Variants in BEND2 observed in about 807,000 individuals in gnomAD.
The protein encoded by BEND2 is BEN domain-containing protein 2.
In BEND2, 19 loss-of-function variants were observed where a neutral mutation model predicts 43.8. That is an observed-to-expected ratio of 0.43 (90% CI 0.30 to 0.64). The LOEUF (loss-of-function observed/expected upper bound fraction) is 0.64, where lower values mean the gene tolerates loss of function less well. Ranked by LOEUF, BEND2 falls within the 30% of genes least tolerant of loss-of-function variation. BEND2 has a pLI of 0.11. For synonymous variants in BEND2, 226 were observed against 210.1 expected, an observed-to-expected ratio of 1.08 and a Z score of -0.66; for missense variants, 544 against 574.0, an observed-to-expected ratio of 0.95 and a Z score of 0.53.
chrX:18,208,343 C>T (rs1167227331), intron 4 of BEND2, among the ~76,000 whole-genome samples: 1 of 109,724 alleles, frequency 9.1e-6, no homozygotes, highest in Admixed American at 9.8e-5. Context: ...AAAAATTAGC[C>T]GGGCGTGGTG....
At chrX:18,169,324 GTTAA>G (rs750763324) in intron 13 of BEND2, among the ~76,000 whole-genome samples, 154 of 111,054 alleles carry the variant, frequency 1.4e-3, no homozygotes, top group Non-Finnish European at 2.3e-3. Context: ...GAGTTGGAGT[GTTAA>G]TTATATCAGT....
intron 4 of BEND2, among the ~76,000 whole-genome samples, chrX:18,205,354 A>G (rs112167983): frequency 0.022 from 2,405 of 109,291 alleles, 75 homozygotes; most frequent in African/African-American, 0.075. Context: ...ACTTGAGCTC[A>G]GAAGTTCGAG....
chrX:18,170,911 C>T, intron 13 of BEND2, 90 bp downstream of exon 13: 1 of 1,191,419 alleles, frequency 8.4e-7, no homozygotes, highest in East Asian at 3.0e-5. Context: ...CTCCCCAGAA[C>T]AAACACAACC....
At chrX:18,189,265 T>C (rs1257739084) in intron 8 of BEND2, among the ~76,000 whole-genome samples, 1 of 110,015 alleles carries the variant, frequency 9.1e-6, no homozygotes, top group Non-Finnish European at 1.9e-5. Context: ...CCTAGTACTT[T>C]GGGAGGCCAA....
At chrX:18,203,308 T>A (rs967046701) in intron 5 of BEND2, among the ~76,000 whole-genome samples, 193 bp downstream of exon 5, 1 of 111,867 alleles carries the variant, frequency 8.9e-6, no homozygotes, top group Non-Finnish European at 1.9e-5. Flanking sequence ...TACAGTCTTA[T>A]GAGATGTTAC....
At chrX:18,184,559 T>A (rs1323875509) in intron 8 of BEND2, among the ~76,000 whole-genome samples, 2 of 111,835 alleles carry the variant, frequency 1.8e-5, no homozygotes, top group Non-Finnish European at 3.8e-5. Flanking sequence ...AGGCGGCACC[T>A]CTACAAGTCT....
At chrX:18,214,928 T>G (rs1249394052) in intron 2 of BEND2, among the ~76,000 whole-genome samples, 1 of 110,271 alleles carries the variant, frequency 9.1e-6, no homozygotes, top group African/African-American at 3.3e-5. Context: ...GCAATAAATA[T>G]TGTAACCTTT....
intron 8 of BEND2, among the ~76,000 whole-genome samples, chrX:18,190,762 T>TCACA (rs1423975661): frequency 3.5e-4 from 31 of 87,689 alleles, no homozygotes; most frequent in Admixed American, 1.2e-3. Context: ...TCTCTCTCTC[T>TCACA]CTCTCACACA....
At chrX:18,173,948 T>C in intron 12 of BEND2, 82 bp downstream of exon 12, 1 of 834,571 alleles carries the variant, frequency 1.2e-6, no homozygotes, top group Non-Finnish European at 1.7e-6. Flanking sequence ...AATAGTACAA[T>C]GAACCCCATA....
chrX:18,205,791 A>G (rs972412318), intron 4 of BEND2, among the ~76,000 whole-genome samples: 1 of 110,155 alleles, frequency 9.1e-6, no homozygotes, highest in Non-Finnish European at 1.9e-5. Context: ...AGAAATGCCA[A>G]ATTTCAGGCC....
rs780283327 is a variant in BEND2 at position 18,183,736 on chromosome X, T to C, written c.1289-3086A>G. Among the ~76,000 whole-genome samples, 4 of 111,920 alleles carry C rather than the reference T, an allele frequency of 3.6e-5. No homozygotes were observed. The South Asian group carries it at 1.5e-3, about 42-fold the overall frequency. On this transcript the variant is annotated intron_variant, in intron 8 of 13. Transcript: ENST00000380033. ...GCAGTGGTGGCCTGGAGGTACCCATTGTGGGCCTGCGGCAGTGGTGGCCAC... is the reference window on the plus strand; with the variant it reads ...GCAGTGGTGGCCTGGAGGTACCCATCGTGGGCCTGCGGCAGTGGTGGCCAC...
intron 11 of BEND2, 107 bp downstream of exon 11, chrX:18,175,864 AT>A: frequency 2.6e-6 from 2 of 756,819 alleles, no homozygotes; most frequent in South Asian, 1.2e-4. Flanking sequence ...GTTAATGAGA[AT>A]TTTAGCACAT....
intron 12 of BEND2, among the ~76,000 whole-genome samples, chrX:18,172,406 T>G (rs1327470060): frequency 9.0e-6 from 1 of 111,567 alleles, no homozygotes; most frequent in Non-Finnish European, 1.9e-5. Context: ...AAAATCTATC[T>G]GAATGGGCTG....
chrX:18,200,320 T>G (rs775333106), intron 6 of BEND2, among the ~76,000 whole-genome samples: 1 of 110,176 alleles, frequency 9.1e-6, no homozygotes, highest in Admixed American at 9.7e-5. Context: ...CTGGCCAACA[T>G]GGTGAAACCC....
chrX:18,174,872 G>A (rs562673412), intron 11 of BEND2, among the ~76,000 whole-genome samples: 2 of 110,560 alleles, frequency 1.8e-5, no homozygotes, highest in South Asian at 7.8e-4. Context: ...TGGGGACGGG[G>A]GTTGGGGAGG....
At position 18,191,007 on chromosome X, in the gene BEND2, C is replaced by T. The variant is rs771875015; in HGVS notation, c.1282G>A (p.Asp428Asn). The T allele has an allele frequency of 5.0e-6, 6 of 1,205,195 alleles. No homozygotes were observed. In the Admixed American group the frequency reaches 8.8e-5, roughly 18 times the overall value. ...TATATCATTTCAAACTCACCAAAAT[C>T]GGGAGTGAGGCAGGCAGATGCTGAA... is the stretch of plus-strand genomic sequence containing the variant. ...DASASACLTP[D>N]FALLPLNILV... The change falls in exon 8 of 14, where the codon GAT becomes AAT. Residue 428 changes from aspartate (D) to asparagine (N), a missense_variant. By Grantham distance (23) the Asp-to-Asn change is conservative. Transcript: ENST00000380033.
intron 6 of BEND2, 115 bp from the exon 7 acceptor site, chrX:18,195,557 C>G (rs1924915245): frequency 2.7e-6 from 2 of 729,756 alleles, no homozygotes; most frequent in Non-Finnish European, 3.9e-6. Flanking sequence ...AAATCTGTCC[C>G]TAGCCGACTT....
intron 1 of BEND2, among the ~76,000 whole-genome samples, chrX:18,217,807 G>A (rs1925716736): frequency 9.0e-6 from 1 of 111,356 alleles, no homozygotes; most frequent in Non-Finnish European, 1.9e-5. Context: ...CAGGCAGGGC[G>A]CGGTAGCGAA....
chrX:18,186,817 G>T (rs1282195155), intron 8 of BEND2, among the ~76,000 whole-genome samples: 1 of 108,807 alleles, frequency 9.2e-6, no homozygotes, highest in African/African-American at 3.3e-5. Flanking sequence ...AATACAAAAA[G>T]TTTTCCGGGT....
Sources: gnomAD v4.1 joint callset for allele counts (sites outside exome capture counted in the v4.1 genomes callset) on GRCh38, gnomAD v4.1.1 for gene constraint, MANE v1.5 for transcripts, NCBI Gene and HGNC (gene_info 2026-07-23, HGNC 2026-07-21) for gene names.